Variants in ROBO1 observed in about 807,000 individuals in gnomAD.
ROBO1 encodes the protein roundabout guidance receptor 1.
A neutral mutation model predicts 195.9 loss-of-function variants in ROBO1; 149 were observed. The ratio of observed to expected loss-of-function variants is 0.76; its 90% confidence interval spans 0.67 to 0.87. The LOEUF is 0.87. ROBO1 is among the 40% of genes least tolerant of loss of function. ROBO1 has a pLI of 0.00. For missense variants in ROBO1, 1,933 were observed against 2,068.3 expected (o/e 0.93, Z 1.27); for synonymous variants, 816 against 733.2 (o/e 1.11, Z -1.82).
intron 22 of ROBO1, among the ~76,000 whole-genome samples, chr3:78,638,417 T>C (rs1275660426): frequency 1.3e-5 from 2 of 151,882 alleles, no homozygotes; most frequent in Non-Finnish European, 2.9e-5. Context: ...TCAGTTAATT[T>C]TTATTTAAAT....
chr3:78,683,275 G>C (rs2080974315), intron 10 of ROBO1, among the ~76,000 whole-genome samples: 2 of 151,982 alleles, frequency 1.3e-5, no homozygotes. Context: ...ATACATGTGG[G>C]ATATTTACTG....
rs76908406 is a variant in ROBO1, at chr3:79,254,576, A to G, written c.89-129037T>C. ...AACAAGAGAAGAACTAATAAAGATAATACCTGGCCCAGTGAACCTGCAAAA... is the reference window on the plus strand; with the variant it reads ...AACAAGAGAAGAACTAATAAAGATAGTACCTGGCCCAGTGAACCTGCAAAA... On this transcript the variant is annotated intron_variant, in intron 2 of 30. Transcript: ENST00000464233. 1.1e-3 allele frequency among the ~76,000 whole-genome samples: 162 copies of G among 152,240 alleles called. 3 individuals are homozygous for G. In the East Asian group the frequency reaches 0.025, roughly 24 times the overall value.
At chr3:79,434,806 A>T (rs2038822657) in intron 2 of ROBO1, among the ~76,000 whole-genome samples, 1 of 152,210 alleles carries the variant, frequency 6.6e-6, no homozygotes, top group Non-Finnish European at 1.5e-5. Flanking sequence ...AAGACTTGGA[A>T]CCAACCCAAA....
intron 2 of ROBO1, among the ~76,000 whole-genome samples, chr3:79,414,721 AT>A (rs2037926967): frequency 6.6e-6 from 1 of 152,086 alleles, no homozygotes; most frequent in South Asian, 2.1e-4. Context: ...GTATTGAGAG[AT>A]CATAAAGAGA....
At chr3:79,303,273 T>A (rs1226639440) in intron 2 of ROBO1, among the ~76,000 whole-genome samples, 1 of 151,584 alleles carries the variant, frequency 6.6e-6, no homozygotes, top group African/African-American at 2.4e-5. Context: ...TTCAAGTGAT[T>A]CTCCTGCCTC....
intron 2 of ROBO1, among the ~76,000 whole-genome samples, chr3:79,482,624 A>G (rs1487287717): frequency 1.3e-5 from 2 of 152,180 alleles, no homozygotes; most frequent in African/African-American, 2.4e-5. Context: ...GCATAAAAAC[A>G]ACTAATACAG....
At chr3:79,566,384 TTCA>T (rs1361138311) in intron 2 of ROBO1, among the ~76,000 whole-genome samples, 1 of 152,168 alleles carries the variant, frequency 6.6e-6, no homozygotes, top group African/African-American at 2.4e-5. Flanking sequence ...TATTTCTCAG[TTCA>T]TCATTATTTG....
At chr3:79,415,337 C>T (rs1356679899) in intron 2 of ROBO1, among the ~76,000 whole-genome samples, 1 of 152,046 alleles carries the variant, frequency 6.6e-6, no homozygotes, top group East Asian at 1.9e-4. Context: ...TTTTAAATTG[C>T]ATCTGTAATA....
chr3:79,735,716 G>GA (rs1312898113), intron 1 of ROBO1, among the ~76,000 whole-genome samples: 1 of 151,824 alleles, frequency 6.6e-6, no homozygotes, highest in Non-Finnish European at 1.5e-5. Context: ...TAAAAATCCA[G>GA]AAAAATTAGC....
intron 8 of ROBO1, among the ~76,000 whole-genome samples, chr3:78,696,998 A>G (rs2081312211): frequency 1.3e-5 from 2 of 151,562 alleles, no homozygotes; most frequent in Admixed American, 1.3e-4. Context: ...AAACATCAAA[A>G]CAGTATATTT....
intron 2 of ROBO1, among the ~76,000 whole-genome samples, chr3:79,365,625 C>T (rs1363561546): frequency 6.6e-6 from 1 of 152,104 alleles, no homozygotes; most frequent in Non-Finnish European, 1.5e-5. Context: ...GGGCCGGGCA[C>T]GGTGGCTTAA....
chr3:79,081,847 C>A (rs533632659), intron 3 of ROBO1, among the ~76,000 whole-genome samples: 17 of 152,100 alleles, frequency 1.1e-4, no homozygotes, highest in African/African-American at 4.1e-4. Flanking sequence ...TTTGATGCAA[C>A]GTCAAGAAAA....
chr3:79,000,535 A>G lies in ROBO1; in HGVS notation c.173-61608T>C, dbSNP rs548645333. On this transcript the variant is annotated intron_variant, in intron 3 of 30. Transcript: ENST00000464233. ...AACATATGAAAAAAAGCTCATCATC[A>G]CTGGTCATTAGAGAAATGCAAATCA... is the stretch of plus-strand genomic sequence containing the variant. 2.0e-5 allele frequency among the ~76,000 whole-genome samples: 3 copies of G among 152,328 alleles called. No individual in the cohort carries two copies. The East Asian group carries it at 5.8e-4, about 29-fold the overall frequency.
chr3:79,735,965 C>T (rs1190548014), intron 1 of ROBO1, among the ~76,000 whole-genome samples: 1 of 151,212 alleles, frequency 6.6e-6, no homozygotes, highest in Non-Finnish European at 1.5e-5. Context: ...ATTTATTGAG[C>T]ACATAACTAT....
intron 3 of ROBO1, among the ~76,000 whole-genome samples, chr3:79,084,681 A>G (rs1401609778): frequency 6.6e-6 from 1 of 152,176 alleles, no homozygotes; most frequent in Non-Finnish European, 1.5e-5. Flanking sequence ...AATTCACATG[A>G]TTATTAAATT....
intron 2 of ROBO1, among the ~76,000 whole-genome samples, chr3:79,346,542 C>A (rs2035127113): frequency 6.6e-6 from 1 of 151,986 alleles, no homozygotes; most frequent in Admixed American, 6.6e-5. Context: ...TACACATATA[C>A]TTTTAGGACA....
intron 4 of ROBO1, among the ~76,000 whole-genome samples, chr3:78,818,398 G>A (rs912672879): frequency 6.6e-6 from 1 of 152,180 alleles, no homozygotes; most frequent in African/African-American, 2.4e-5. Context: ...CCTCTGGGAG[G>A]TTGCCCACAG....
intron 4 of ROBO1, among the ~76,000 whole-genome samples, chr3:78,753,144 GAGA>G (rs2082840197): frequency 6.6e-6 from 1 of 152,104 alleles, no homozygotes; most frequent in Non-Finnish European, 1.5e-5. Context: ...CAGATAAAAT[GAGA>G]AGAATTACCA....
chr3:79,676,111 T>A (rs1468643037), intron 1 of ROBO1, among the ~76,000 whole-genome samples: 1 of 151,990 alleles, frequency 6.6e-6, no homozygotes, highest in Non-Finnish European at 1.5e-5. Flanking sequence ...ACCTTGTGAC[T>A]GGGGAGGAAA....
Sources: allele counts gnomAD v4.1 joint callset (sites outside exome capture counted in the v4.1 genomes callset), GRCh38; gene constraint gnomAD v4.1.1; transcripts MANE v1.5; gene names NCBI Gene and HGNC (gene_info 2026-07-23, HGNC 2026-07-21).